MARCHF1: variants seen among roughly 807,000 people sequenced by gnomAD.
MARCHF1 encodes E3 ubiquitin-protein ligase MARCHF1.
MARCHF1 carries 40 observed loss-of-function variants against 54.2 expected under a neutral mutation model. That is an observed-to-expected ratio of 0.74 (90% confidence interval 0.57 to 0.96). The LOEUF is 0.96. MARCHF1 is among the 40% of genes least tolerant of loss of function. The pLI is 0.00. For synonymous variants in MARCHF1, 236 were observed against 236.3 expected (o/e 1.00, Z 0.01); for missense variants, 586 against 656.5 (o/e 0.89, Z 1.17).
At chr4:164,200,099 G>A (rs1285650704) in intron 1 of MARCHF1, among the ~76,000 whole-genome samples, 1 of 152,190 alleles carries the variant, frequency 6.6e-6, no homozygotes, top group Non-Finnish European at 1.5e-5. Context: ...TGCATTCGGA[G>A]AAGCACACCT....
intron 3 of MARCHF1, among the ~76,000 whole-genome samples, chr4:163,968,836 A>G (rs1266565506): frequency 6.6e-6 from 1 of 152,176 alleles, no homozygotes; most frequent in Non-Finnish European, 1.5e-5. Context: ...CAAAATAAAG[A>G]GTAGACTTCC....
At chr4:164,375,213 C>G (rs1189321922) in intron 1 of MARCHF1, among the ~76,000 whole-genome samples, 1 of 152,096 alleles carries the variant, frequency 6.6e-6, no homozygotes, top group Middle Eastern at 3.4e-3. Context: ...ATCTAATAGA[C>G]CTTTGTGTGT....
intron 4 of MARCHF1, among the ~76,000 whole-genome samples, chr4:163,826,716 T>C (rs1748857199): frequency 6.6e-6 from 1 of 152,026 alleles, no homozygotes; most frequent in African/African-American, 2.4e-5. Flanking sequence ...AAACAAGTGT[T>C]GAAGTACAGA....
intron 1 of MARCHF1, among the ~76,000 whole-genome samples, chr4:164,270,263 T>C (rs1463403362): frequency 6.6e-5 from 10 of 152,158 alleles, no homozygotes. Flanking sequence ...CATATAAACA[T>C]AGAGATTGCT....
chr4:163,620,606 C>G (rs10033369), intron 5 of MARCHF1, among the ~76,000 whole-genome samples: 2,012 of 56,540 alleles, frequency 0.036, 27 homozygotes, highest in East Asian at 0.053. Flanking sequence ...CACACACACA[C>G]AGAGAGAGAG....
chr4:163,754,766 A>C (rs1186316885), intron 4 of MARCHF1, among the ~76,000 whole-genome samples: 1 of 152,240 alleles, frequency 6.6e-6, no homozygotes, highest in East Asian at 1.9e-4. Flanking sequence ...ATCACTTTAC[A>C]CTTACACAGG....
chr4:163,870,546 A>G lies in MARCHF1; in HGVS notation c.-38-16377T>C, dbSNP rs570695432. 6.6e-5 allele frequency among the ~76,000 whole-genome samples: 10 copies of G among 152,284 alleles called. No individual in the cohort carries two copies. The South Asian group carries it at 1.9e-3, about 28-fold the overall frequency. ...AGTGCACATTTCTTTCCTAATTGCT[A>G]TCACATTTACCTGACGTGATGGTAA... On this transcript the variant is annotated intron_variant, in intron 3 of 9. Coordinates refer to ENST00000514618, the MANE Select transcript of MARCHF1 (RefSeq NM_001394959.1).
Position 164,188,736 on chromosome 4 carries a change from T to C in MARCHF1, c.-322-77074A>G. ...ATCAAGTTCTTGCGGTTCAAGGTAG[T>C]TGAAAAGAAAACTAAACCATACGTT... On this transcript the variant is annotated intron_variant, in intron 1 of 9. Coordinates refer to ENST00000514618, the MANE Select transcript of MARCHF1 (RefSeq NM_001394959.1). The C allele has an allele frequency of 8.7e-6, 9 of 1,029,880 alleles. No individual in the cohort carries two copies. The South Asian group carries it at 8.8e-5, about 10-fold the overall frequency. The allele number at this position is 1,029,880 out of a possible 1,614,324, so 63.8% of individuals were successfully genotyped here. A position where few individuals can be genotyped will look rare whatever the true frequency, so the allele number is the denominator to read the frequency against.
intron 3 of MARCHF1, among the ~76,000 whole-genome samples, chr4:163,936,452 T>C (rs1408901110): frequency 1.3e-5 from 2 of 152,250 alleles, no homozygotes; most frequent in African/African-American, 4.8e-5. Context: ...CTGTTGCTTC[T>C]ATTTCTCTTG....
intron 3 of MARCHF1, among the ~76,000 whole-genome samples, chr4:163,911,467 G>A (rs1358750297): frequency 3.3e-5 from 5 of 152,128 alleles, no homozygotes; most frequent in Non-Finnish European, 7.4e-5. Context: ...GGCCTGAGGT[G>A]TCCACATATC....
intron 3 of MARCHF1, among the ~76,000 whole-genome samples, chr4:163,987,447 T>C (rs1752890337): frequency 6.6e-6 from 1 of 152,224 alleles, no homozygotes; most frequent in African/African-American, 2.4e-5. Context: ...TTTGAAGATG[T>C]ACTCAAATTT....
intron 4 of MARCHF1, among the ~76,000 whole-genome samples, chr4:163,812,750 T>A (rs927054336): frequency 2.0e-5 from 3 of 152,136 alleles, no homozygotes; most frequent in African/African-American, 2.4e-5. Context: ...ACAGCAAGAC[T>A]TCATCTCAAA....
At chr4:164,093,585 T>C (rs549928006) in intron 2 of MARCHF1, among the ~76,000 whole-genome samples, 6 of 152,282 alleles carry the variant, frequency 3.9e-5, no homozygotes, top group African/African-American at 9.6e-5. Context: ...AAGTTTTCAA[T>C]TAGGGTTGAA....
chr4:163,585,633 T>C (rs1740385520), intron 8 of MARCHF1, 116 bp downstream of exon 8: 1 of 773,602 alleles, frequency 1.3e-6, no homozygotes, highest in Admixed American at 2.8e-5. Context: ...ACAAGACACA[T>C]ACCCTTAATG....
intron 4 of MARCHF1, among the ~76,000 whole-genome samples, chr4:163,839,220 T>G (rs1749270874): frequency 6.6e-6 from 1 of 151,896 alleles, no homozygotes. Flanking sequence ...CAATAACAAG[T>G]GTTGGAAAAA....
intron 1 of MARCHF1, among the ~76,000 whole-genome samples, chr4:164,281,629 C>T (rs1734028784): frequency 1.3e-5 from 2 of 152,106 alleles, no homozygotes; most frequent in Non-Finnish European, 2.9e-5. Flanking sequence ...AGAGTGGCTT[C>T]GTAGGGCTGC....
chr4:164,319,737 G>A (rs1374284475), intron 1 of MARCHF1, among the ~76,000 whole-genome samples: 2 of 152,000 alleles, frequency 1.3e-5, no homozygotes, highest in Non-Finnish European at 2.9e-5. Context: ...TTTAAAGGGG[G>A]AAACAAAGAT....
intron 5 of MARCHF1, among the ~76,000 whole-genome samples, chr4:163,641,186 A>G (rs983030920): frequency 3.9e-5 from 6 of 152,162 alleles, no homozygotes; most frequent in African/African-American, 1.4e-4. Context: ...AGTGTCTGCT[A>G]TCAGAAGCTA....
At chr4:164,032,610 C>T (rs2110996524) in intron 2 of MARCHF1, among the ~76,000 whole-genome samples, 1 of 152,250 alleles carries the variant, frequency 6.6e-6, no homozygotes, top group Non-Finnish European at 1.5e-5. Context: ...CATTCAGAAG[C>T]ATGTTGTTCA....
Sources: gnomAD v4.1 joint callset for allele counts (sites outside exome capture counted in the v4.1 genomes callset) on GRCh38, gnomAD v4.1.1 for gene constraint, MANE v1.5 for transcripts, NCBI Gene and HGNC (gene_info 2026-07-23, HGNC 2026-07-21) for gene names.